The following MEGF10 variants were observed in gnomAD, a reference collection of about 807,000 sequenced individuals.
MEGF10 encodes the protein multiple EGF like domains 10.
In MEGF10, 86 loss-of-function variants were observed where a neutral mutation model predicts 147.5. The observed-to-expected ratio is 0.58, with a 90% confidence interval of 0.49 to 0.70. The LOEUF is 0.70. Ranked by LOEUF, MEGF10 falls within the 30% of genes least tolerant of loss-of-function variation. The probability of loss-of-function intolerance (pLI) is 0.00; values close to 1 mark genes in which losing one functional copy is unlikely to be tolerated. For missense variants in MEGF10, 1,329 were observed against 1,487.3 expected, an observed-to-expected ratio of 0.89 and a Z score of 1.75; for synonymous variants, 478 against 525.5, an observed-to-expected ratio of 0.91 and a Z score of 1.24.
chr5:127,295,235 AT>A (rs1448787619), intron 1 of MEGF10, among the ~76,000 whole-genome samples: 2 of 152,232 alleles, frequency 1.3e-5, no homozygotes, highest in African/African-American at 4.8e-5. Flanking sequence ...CAAATATATT[AT>A]GAAATCTCTA....
chr5:127,357,588 AAAAT>A (rs71573990), intron 4 of MEGF10, among the ~76,000 whole-genome samples: 48,059 of 132,250 alleles, frequency 0.36, 9,492 homozygotes, highest in Non-Finnish European at 0.45. Context: ...ACCCTGCCTC[AAAAT>A]AAATAAATAA....
At chr5:127,435,258 G>A (rs904058981) in intron 15 of MEGF10, 103 bp from the exon 16 acceptor site, 79 of 1,355,728 alleles carry the variant, frequency 5.8e-5, no homozygotes, top group Non-Finnish European at 7.7e-5. Flanking sequence ...CTACCAATGA[G>A]CAGCTGGGCC....
At chr5:127,440,381 T>A (rs988106665) in intron 17 of MEGF10, among the ~76,000 whole-genome samples, 5 of 152,214 alleles carry the variant, frequency 3.3e-5, no homozygotes, top group Non-Finnish European at 7.3e-5. Flanking sequence ...CCATTGGAAT[T>A]TGAGTCCAGG....
intron 19 of MEGF10, among the ~76,000 whole-genome samples, chr5:127,443,800 G>T (rs1191609592): frequency 6.6e-6 from 1 of 152,128 alleles, no homozygotes; most frequent in Non-Finnish European, 1.5e-5. Context: ...CTATTCCATT[G>T]TATGGATATA....
intron 21 of MEGF10, among the ~76,000 whole-genome samples, chr5:127,448,111 G>C (rs1020988185): frequency 5.3e-5 from 8 of 152,164 alleles, no homozygotes; most frequent in South Asian, 2.1e-4. Context: ...TCTTCTGACC[G>C]CCCGTCCTCC....
chr5:127,339,075 T>A, intron 2 of MEGF10, 45 bp from the exon 3 acceptor site: 1 of 1,318,960 alleles, frequency 7.6e-7, no homozygotes, highest in South Asian at 1.3e-5. Flanking sequence ...ATTATTAATT[T>A]AAAAAAGAGA....
At chr5:127,391,763 CCTT>C (rs1763706920) in intron 5 of MEGF10, among the ~76,000 whole-genome samples, 1 of 152,128 alleles carries the variant, frequency 6.6e-6, no homozygotes, top group Non-Finnish European at 1.5e-5. Context: ...TTGTACAAAA[CCTT>C]CTATTGACTC....
At chr5:127,402,435 C>G (rs1346476344) in intron 7 of MEGF10, 111 bp from the exon 8 acceptor site, 24 of 1,176,390 alleles carry the variant, frequency 2.0e-5, no homozygotes, top group Non-Finnish European at 2.7e-5. Context: ...AATTTTCTTG[C>G]AGCCCTGTTC....
the MEGF10 span, among the ~76,000 whole-genome samples, chr5:127,266,749 T>C: frequency 6.6e-6 from 1 of 152,232 alleles, no homozygotes; most frequent in Non-Finnish European, 1.5e-5. Flanking sequence ...TAAGAATGCT[T>C]GTGATTTTTG....
At chr5:127,295,720 T>C (rs977974658) in intron 1 of MEGF10, among the ~76,000 whole-genome samples, 1 of 152,230 alleles carries the variant, frequency 6.6e-6, no homozygotes, top group Non-Finnish European at 1.5e-5. Context: ...TCAATAGATG[T>C]AGTACAAATA....
chr5:127,235,372 A>T, the MEGF10 span, among the ~76,000 whole-genome samples: 5 of 152,090 alleles, frequency 3.3e-5, no homozygotes, highest in Admixed American at 2.0e-4. Context: ...ATCTTCCCTT[A>T]TGTTTCTTCC....
chr5:127,443,450 T>C (rs1580877578), intron 19 of MEGF10, among the ~76,000 whole-genome samples: 1 of 152,150 alleles, frequency 6.6e-6, no homozygotes, highest in African/African-American at 2.4e-5. Context: ...TCAGCTTTAT[T>C]GAGGTGTAAT....
chr5:127,350,506 C>G (rs1762047382), intron 4 of MEGF10, among the ~76,000 whole-genome samples: 1 of 152,100 alleles, frequency 6.6e-6, no homozygotes, highest in Middle Eastern at 3.4e-3. Flanking sequence ...TTCTCTTCCT[C>G]CTTTTGTCTC....
chr5:127,380,816 T>C (rs1478445843), intron 5 of MEGF10, among the ~76,000 whole-genome samples: 7 of 152,142 alleles, frequency 4.6e-5, no homozygotes, highest in Non-Finnish European at 1.0e-4. Flanking sequence ...CGCGCCCAGC[T>C]GACACATTCA....
intron 8 of MEGF10, among the ~76,000 whole-genome samples, chr5:127,408,251 A>G (rs1764410991): frequency 6.6e-6 from 1 of 152,242 alleles, no homozygotes; most frequent in Non-Finnish European, 1.5e-5. Context: ...ACCAAGTTGA[A>G]ATAATGAAGA....
At chr5:127,324,097 A>G (rs553009226) in intron 1 of MEGF10, among the ~76,000 whole-genome samples, 29 of 152,180 alleles carry the variant, frequency 1.9e-4, no homozygotes, top group Non-Finnish European at 1.9e-4. Context: ...ATTGGAGGCC[A>G]TCTTGGAGGC....
intron 1 of MEGF10, among the ~76,000 whole-genome samples, chr5:127,300,640 A>G (rs1021270106): frequency 8.5e-5 from 13 of 152,156 alleles, no homozygotes; most frequent in African/African-American, 3.1e-4. Context: ...AAAATTCAAA[A>G]ATTAAAGCCC....
intron 4 of MEGF10, among the ~76,000 whole-genome samples, chr5:127,347,811 C>A (rs1761945838): frequency 6.6e-6 from 1 of 152,018 alleles, no homozygotes; most frequent in Admixed American, 6.6e-5. Flanking sequence ...AATCCCAAAG[C>A]TACCCTGCAT....
At position 127,453,382 on chromosome 5, in the gene MEGF10, G is replaced by GA. The variant is rs1453557518; in HGVS notation, c.2981-1180dup. On this transcript the variant is annotated intron_variant, in intron 22 of 24. Transcript: ENST00000503335. ...TGTAATATTCTTTTGAAAGGCAATT[G>GA]AAAATGCCTTGGAGTGCTTAAGGAA... 2.6e-5 allele frequency among the ~76,000 whole-genome samples: 4 copies of GA among 152,288 alleles called. No homozygotes were observed. In the East Asian group the frequency reaches 7.7e-4, roughly 29 times the overall value.
Sources: gnomAD v4.1 joint callset for allele counts (sites outside exome capture counted in the v4.1 genomes callset) on GRCh38, gnomAD v4.1.1 for gene constraint, MANE v1.5 for transcripts, NCBI Gene and HGNC (gene_info 2026-07-23, HGNC 2026-07-21) for gene names.